The following ANKRD24 variants were observed in gnomAD, a reference collection of about 807,000 sequenced individuals.
The protein encoded by ANKRD24 is ankyrin repeat domain 24.
Under a neutral mutation model 127.8 loss-of-function variants are expected in ANKRD24, and 109 were observed. The ratio of observed to expected loss-of-function variants is 0.85; its 90% CI spans 0.73 to 1.00. The LOEUF is 1.00. Ranked by LOEUF, ANKRD24 falls within the 50% of genes least tolerant of loss-of-function variation. The pLI, the probability that ANKRD24 is intolerant of heterozygous loss-of-function variation, is 0.00. For synonymous variants in ANKRD24, 743 were observed against 671.1 expected, an observed-to-expected ratio of 1.11 and a Z score of -1.66; for missense variants, 1,648 against 1,570.2, an observed-to-expected ratio of 1.05 and a Z score of -0.84.
At chr19:4,194,489 G>A (rs1318935311) in intron 2 of ANKRD24, among the ~76,000 whole-genome samples, 1 of 152,110 alleles carries the variant, frequency 6.6e-6, no homozygotes, top group Non-Finnish European at 1.5e-5. Flanking sequence ...CACGTGTCAG[G>A]AAGGATGATT....
chr19:4,185,760 C>T (rs945059275), intron 1 of ANKRD24, among the ~76,000 whole-genome samples: 1 of 152,226 alleles, frequency 6.6e-6, no homozygotes, highest in Admixed American at 6.5e-5. Context: ...GAGCCGTCAG[C>T]CCTGGCTTCA....
Position 4,217,878 on chromosome 19 carries a change from C to T in ANKRD24, c.2718C>T (p.Ser906=), listed in dbSNP as rs1441697149. Residue 906 remains serine, a synonymous_variant, in exon 18 of 22, where the codon TCC becomes TCT. Coordinates refer to ENST00000318934, the MANE Select transcript of ANKRD24 (RefSeq NM_001393985.1). ...GCCTGGCCGAGCTGCGGGAGGCCTCCGAGGCCCTCCGCCAGTCCGTGGTGC... is the reference window on the plus strand; with the variant it reads ...GCCTGGCCGAGCTGCGGGAGGCCTCTGAGGCCCTCCGCCAGTCCGTGGTGC... ...RQGLAELREA[S]EALRQSVVPA... 1.9e-5 allele frequency: 28 copies of T among 1,465,994 alleles called. No individual in the cohort carries two copies. Among genetic ancestry groups the T allele is most frequent in the Non-Finnish European group, 2.5e-5 (28 of 1,116,086 alleles). The allele number at this position is 1,465,994 out of a possible 1,614,324, so 90.8% of individuals were successfully genotyped here. A position where few individuals can be genotyped will look rare whatever the true frequency, so the allele number is the denominator to read the frequency against.
intron 2 of ANKRD24, among the ~76,000 whole-genome samples, chr19:4,189,017 T>C (rs1968223544): frequency 1.3e-5 from 2 of 150,342 alleles, no homozygotes; most frequent in Admixed American, 1.3e-4. Context: ...ACTATGTTGG[T>C]CAGGCTGGTC....
chr19:4,186,008 G>T (rs1968041114), intron 1 of ANKRD24, among the ~76,000 whole-genome samples: 2 of 152,132 alleles, frequency 1.3e-5, no homozygotes, highest in South Asian at 4.1e-4. Context: ...ATTCTAGGCA[G>T]AAATAACTGC....
At chr19:4,185,088 GTGGGCAGATGGGTGGATGGATGGATGCT>G (rs201240436) in intron 1 of ANKRD24, among the ~76,000 whole-genome samples, 2,904 of 149,864 alleles carry the variant, frequency 0.019, 118 homozygotes, top group East Asian at 0.17. Flanking sequence ...GTGTGATTGG[GTGGGCAGATGGGTGGATGGATGGATGCT>G]TGGGCAGATG....
At position 4,216,157 on chromosome 19, in the gene ANKRD24, C is replaced by T. The variant is rs1447473833; in HGVS notation, c.1270+107C>T. 5 of 1,408,106 alleles carry T rather than the reference C, an allele frequency of 3.6e-6. No individual in the cohort carries two copies. The Admixed American group carries it at 1.0e-4, about 29-fold the overall frequency. 87.2% of individuals were successfully genotyped at this position (1,408,106 alleles called of 1,614,324 possible). ...TTTGAAGCTGGGAGGGAGGTTTGTA[C>T]TCATCCGTTTTTTAAATTCTGCTTG... On this transcript the variant is annotated intron_variant, in intron 16 of 21. Coordinates refer to ENST00000318934, the MANE Select transcript of ANKRD24 (RefSeq NM_001393985.1).
At chr19:4,193,351 G>T (rs1448813055) in intron 2 of ANKRD24, among the ~76,000 whole-genome samples, 3 of 150,542 alleles carry the variant, frequency 2.0e-5, no homozygotes, top group Non-Finnish European at 3.0e-5. Context: ...TAAAGAAAGG[G>T]CTGTCAGAGA....
chr19:4,216,984 A>G lies in ANKRD24; in HGVS notation c.1824A>G (p.Glu608=). 2 of 1,613,288 alleles carry G rather than the reference A, an allele frequency of 1.2e-6. No individual in the cohort carries two copies. The highest frequency in any genetic ancestry group is 8.5e-7 in the Non-Finnish European group (1 of 1,179,662). ...ETKPTGAEVR[E]METTEEEANM... The stretch of plus-strand genomic sequence containing the variant: ...AACCCACAGGGGCTGAGGTCAGAGA[A>G]ATGGAGACCACAGAAGAAGAAGCAA... Residue 608 remains glutamate (E), a synonymous_variant, in exon 18 of 22, where the codon GAA becomes GAG. Coordinates refer to ENST00000318934, the MANE Select transcript of ANKRD24 (RefSeq NM_001393985.1).
chr19:4,207,835 G>GCTGCAGGGCGGAGCC lies in ANKRD24; in HGVS notation c.701_715dup (p.Leu234_Ala238dup). On this transcript the variant is annotated inframe_insertion, in exon 10 of 22. Coordinates refer to ENST00000318934, the MANE Select transcript of ANKRD24 (RefSeq NM_001393985.1). ...CCAGCCCCGAAACAGTGGAGGTCCT[G>GCTGCAGGGCGGAGCC]CTGCAGGGCGGAGCCCAGCCGGGCA... 1 of 1,572,994 alleles carries GCTGCAGGGCGGAGCC rather than the reference G, an allele frequency of 6.4e-7. No individual in the cohort carries two copies. The highest frequency in any genetic ancestry group is 2.3e-5 in the East Asian group (1 of 44,050).
chr19:4,223,372 C>CATACATATATATATATATATATATATAT (rs1490877860), intron 20 of ANKRD24, among the ~76,000 whole-genome samples: 4 of 72,906 alleles, frequency 5.5e-5, no homozygotes, highest in African/African-American at 2.8e-4. Context: ...CCTGGCCATA[C>CATACATATATATATATATATATATATAT]ATATATATAT....
intron 8 of ANKRD24, 81 bp from the exon 9 acceptor site, chr19:4,207,420 A>T: frequency 1.9e-6 from 3 of 1,572,006 alleles, no homozygotes; most frequent in Non-Finnish European, 2.6e-6. Flanking sequence ...TTGAGGTGAA[A>T]CTCAAGGGCA....
At chr19:4,224,305 G>A in intron 21 of ANKRD24, 113 bp downstream of exon 21, 3 of 1,404,080 alleles carry the variant, frequency 2.1e-6, no homozygotes, top group Non-Finnish European at 2.9e-6. Context: ...GAGGTTCGTG[G>A]CATGTGGGAG....
At chr19:4,197,609 AAG>A (rs962297413) in intron 2 of ANKRD24, among the ~76,000 whole-genome samples, 92 of 152,310 alleles carry the variant, frequency 6.0e-4, no homozygotes, top group African/African-American at 2.1e-3. Flanking sequence ...GAATGAATGA[AAG>A]AGTGAGCAAA....
At chr19:4,183,320 G>A in intron 1 of ANKRD24, 7 of 986,380 alleles carry the variant, frequency 7.1e-6, no homozygotes, top group Non-Finnish European at 8.4e-6. Flanking sequence ...TCTGCATTCT[G>A]CAGGACAGGT....
intron 13 of ANKRD24, among the ~76,000 whole-genome samples, chr19:4,211,163 A>G (rs1220384245): frequency 6.6e-6 from 1 of 152,080 alleles, no homozygotes; most frequent in Admixed American, 6.6e-5. Flanking sequence ...ACTTGCTGCT[A>G]TTGGGCATGC....
intron 20 of ANKRD24, among the ~76,000 whole-genome samples, chr19:4,223,474 C>T (rs1312745235): frequency 6.8e-6 from 1 of 146,684 alleles, no homozygotes; most frequent in Non-Finnish European, 1.5e-5. Context: ...GATCTTGGCT[C>T]ACTGCAACCT....
At chr19:4,204,541 C>T (rs1213196008) in intron 7 of ANKRD24, among the ~76,000 whole-genome samples, 1 of 152,098 alleles carries the variant, frequency 6.6e-6, no homozygotes, top group Non-Finnish European at 1.5e-5. Flanking sequence ...AAAACCATAG[C>T]TCCAGGCAGC....
intron 19 of ANKRD24, among the ~76,000 whole-genome samples, chr19:4,220,905 T>G (rs1477687725): frequency 2.1e-5 from 3 of 143,050 alleles, no homozygotes; most frequent in Non-Finnish European, 4.6e-5. Flanking sequence ...CCAGAAAGCT[T>G]TTTTTTTTTT....
intron 1 of ANKRD24, 105 bp downstream of exon 1, chr19:4,182,845 G>T (rs145959288): frequency 1.6e-6 from 1 of 641,166 alleles, no homozygotes; most frequent in Non-Finnish European, 1.9e-6. Flanking sequence ...CGGGACACAG[G>T]CTATCCATGT....
Sources: gnomAD v4.1 joint callset for allele counts (sites outside exome capture counted in the v4.1 genomes callset) on GRCh38, gnomAD v4.1.1 for gene constraint, MANE v1.5 for transcripts, NCBI Gene and HGNC (gene_info 2026-07-23, HGNC 2026-07-21) for gene names.